TUBA3D: variants seen among roughly 807,000 people sequenced by gnomAD.
TUBA3D encodes the protein tubulin alpha-3D chain.
A neutral mutation model predicts 36.1 loss-of-function variants in TUBA3D; 24 were observed. The ratio of observed to expected loss-of-function variants is 0.66; its 90% CI spans 0.48 to 0.93. The LOEUF is 0.93. Ranked by LOEUF, TUBA3D falls within the 40% of genes least tolerant of loss-of-function variation. The probability of loss-of-function intolerance (pLI) is 0.00; values close to 1 mark genes in which losing one functional copy is unlikely to be tolerated. For missense variants in TUBA3D, 356 were observed against 614.5 expected (o/e 0.58, Z 4.45); for synonymous variants, 185 against 247.2 (o/e 0.75, Z 2.36).
intron 4 of TUBA3D, among the ~76,000 whole-genome samples, chr2:131,480,982 C>T (rs1297136918): frequency 6.6e-6 from 1 of 151,948 alleles, no homozygotes; most frequent in Admixed American, 6.5e-5. Context: ...CAGCTAACTG[C>T]AACCTCTGCC....
At chr2:131,478,058 C>T (rs1678734326) in intron 1 of TUBA3D, 106 bp from the exon 2 acceptor site, 2 of 1,450,402 alleles carry the variant, frequency 1.4e-6, no homozygotes, top group Non-Finnish European at 1.8e-6. Flanking sequence ...GTGAAAGCGC[C>T]AGATACTGAA....
rs149332264 is a variant in TUBA3D at position 131,480,483 on chromosome 2, C to T, written c.790C>T (p.Arg264Cys). The T allele has an allele frequency of 1.4e-5, 22 of 1,589,396 alleles. 2 individuals are homozygous for T. Among genetic ancestry groups the T allele is most frequent in the East Asian group, 4.5e-5 (2 of 44,874 alleles). Residue 264 changes from arginine (R) to cysteine (C), a missense_variant, in exon 4 of 5, where the codon CGC becomes TGC. Transcript: ENST00000321253. ...EFQTNLVPYP[R>C]IHFPLATYAP... ...CCAGACCAACCTAGTGCCGTACCCCCGCATCCACTTCCCCCTGGCCACCTA... is the reference window on the plus strand; with the variant it reads ...CCAGACCAACCTAGTGCCGTACCCCTGCATCCACTTCCCCCTGGCCACCTA...
rs1678906581 is a variant in TUBA3D, at chr2:131,482,807, G to T, written c.1312G>T (p.Asp438Tyr). 1.5e-5 allele frequency: 24 copies of T among 1,613,504 alleles called. No homozygotes were observed. The highest frequency in any genetic ancestry group is 1.9e-5 in the Non-Finnish European group (22 of 1,179,480). The change falls in exon 5 of 5, where the codon GAT (aspartate) becomes TAT (tyrosine). Residue 438 changes from aspartate to tyrosine, a missense_variant. By Grantham distance (160) the Asp-to-Tyr change is radical. This residue lies in a region of TUBA3D where 156 missense variants were observed against 219.8 expected (regional missense o/e 0.71). Transcript: ENST00000321253. ...LEKDYEEVGV[D>Y]SVEAEAEEGE... ...GAAGGATTATGAAGAGGTGGGCGTGGATTCCGTGGAAGCTGAGGCTGAAGA... is the reference window on the plus strand; with the variant it reads ...GAAGGATTATGAAGAGGTGGGCGTGTATTCCGTGGAAGCTGAGGCTGAAGA...
At chr2:131,479,670 T>C (rs1472208842) in intron 3 of TUBA3D, among the ~76,000 whole-genome samples, 2 of 152,122 alleles carry the variant, frequency 1.3e-5, no homozygotes, top group African/African-American at 2.4e-5. Flanking sequence ...TGAAACTCTA[T>C]GTCTACTAAA....
chr2:131,482,849 G>C lies in TUBA3D; in HGVS notation c.*1G>C, dbSNP rs905785645. 3 of 1,612,462 alleles carry C rather than the reference G, an allele frequency of 1.9e-6. No individual in the cohort carries two copies. Among genetic ancestry groups the C allele is most frequent in the African/African-American group, 2.7e-5 (2 of 74,906 alleles). Reference sequence around the variant, plus strand: ...GGCTGAAGAAGGCGAAGAATACTGAGGGGAGGGTGTGGTGGGTTCTCCCCT... The same window carrying C: ...GGCTGAAGAAGGCGAAGAATACTGACGGGAGGGTGTGGTGGGTTCTCCCCT... On this transcript the variant is annotated 3_prime_UTR_variant, in exon 5 of 5. Transcript: ENST00000321253.
intron 4 of TUBA3D, 102 bp downstream of exon 4, chr2:131,480,851 T>A (rs1188570327): frequency 2.0e-6 from 3 of 1,496,116 alleles, no homozygotes; most frequent in Non-Finnish European, 2.7e-6. Flanking sequence ...CCCTGTTCCA[T>A]GGGCTAGGCA....
chr2:131,482,809 T>C lies in TUBA3D; in HGVS notation c.1314T>C (p.Asp438=), dbSNP rs761848807. 6 of 1,614,192 alleles carry C rather than the reference T, an allele frequency of 3.7e-6. No individual in the cohort carries two copies. The highest frequency in any genetic ancestry group is 5.1e-6 in the Non-Finnish European group (6 of 1,180,032). Residue 438 remains aspartate (D), a synonymous_variant, in exon 5 of 5, where the codon GAT becomes GAC. Transcript: ENST00000321253. ...AGGATTATGAAGAGGTGGGCGTGGATTCCGTGGAAGCTGAGGCTGAAGAAG... is the reference window on the plus strand; with the variant it reads ...AGGATTATGAAGAGGTGGGCGTGGACTCCGTGGAAGCTGAGGCTGAAGAAG... ...LEKDYEEVGV[D]SVEAEAEEGE...
At chr2:131,479,566 G>A (rs1187297436) in intron 3 of TUBA3D, 110 bp downstream of exon 3, 16 of 1,552,274 alleles carry the variant, frequency 1.0e-5, no homozygotes, top group South Asian at 1.2e-5. Context: ...TTGGCCGGGC[G>A]CGGTGGCTCA....
rs776546412 is a variant in TUBA3D, at chr2:131,479,365, G to C, written c.284G>C (p.Gly95Ala). ...TTCCACCCGGAGCAGCTGATCACCG[G>C]GAAGGAAGATGCAGCCAATAATTAC... ...QLFHPEQLIT[G>A]KEDAANNYAR... The change falls in exon 3 of 5, where the codon GGG becomes GCG. Residue 95 changes from glycine (G) to alanine (A), a missense_variant. Coordinates refer to ENST00000321253, the MANE Select transcript of TUBA3D (RefSeq NM_080386.4). 6.2e-7 allele frequency: 1 copy of C among 1,614,138 alleles called. No homozygotes were observed. The highest frequency in any genetic ancestry group is 2.2e-5 in the East Asian group (1 of 44,876).
At chr2:131,478,575 G>A (rs1678750019) in intron 2 of TUBA3D, 189 bp downstream of exon 2, 1 of 1,095,830 alleles carries the variant, frequency 9.1e-7, no homozygotes. Flanking sequence ...TCCTAATTTA[G>A]GAAAACCTGA....
In TUBA3D at chr2:131,480,750, G is replaced by C. The variant is rs772787251; in HGVS notation, c.1056+1G>C. The C allele has an allele frequency of 1.2e-6, 2 of 1,607,476 alleles. No individual in the cohort carries two copies. The highest frequency in any genetic ancestry group is 2.7e-5 in the African/African-American group (2 of 74,594). ...GGATTGGTGCCCGACTGGATTTAAG[G>C]TATGACTGGGTGATGTGGAGGCCTT... On this transcript the variant is annotated splice_donor_variant, in intron 4 of 4. Transcript: ENST00000321253. LOFTEE classifies it high-confidence loss of function.
At position 131,482,712 on chromosome 2, in the gene TUBA3D, A is replaced by G. The variant is rs780285585; in HGVS notation, c.1217A>G (p.His406Arg). 1 of 1,614,168 alleles carries G rather than the reference A, an allele frequency of 6.2e-7. No individual in the cohort carries two copies. ...DLMYAKRAFV[H>R]WYVGEGMEEG... ...ATGTATGCCAAGCGGGCCTTTGTGC[A>G]CTGGTACGTGGGCGAAGGCATGGAA... is the stretch of plus-strand genomic sequence containing the variant. Residue 406 changes from histidine to arginine, a missense_variant, in exon 5 of 5, where the codon CAC (histidine) becomes CGC (arginine). Coordinates refer to ENST00000321253, the MANE Select transcript of TUBA3D (RefSeq NM_080386.4).
rs761360335 is a variant in TUBA3D at position 131,482,757 on chromosome 2, C to T, written c.1262C>T (p.Ala421Val). The change falls in exon 5 of 5, where the codon GCC (alanine) becomes GTC (valine). Residue 421 changes from alanine (A) to valine (V), a missense_variant. By Grantham distance (64) the Ala-to-Val change is moderately conservative. Coordinates refer to ENST00000321253, the MANE Select transcript of TUBA3D (RefSeq NM_080386.4). Reference protein sequence around the residue: ...EGMEEGEFSEAREDLAALEKD... With the variant: ...EGMEEGEFSEVREDLAALEKD... ...ATGGAAGAGGGAGAGTTCTCTGAGG[C>T]CCGCGAGGACCTGGCAGCTCTAGAG... The T allele has an allele frequency of 9.3e-6, 15 of 1,614,008 alleles. No individual in the cohort carries two copies. Among genetic ancestry groups the T allele is most frequent in the Non-Finnish European group, 1.2e-5 (14 of 1,180,036 alleles).
At chr2:131,479,699 G>A (rs1573859913) in intron 3 of TUBA3D, among the ~76,000 whole-genome samples, 2 of 152,156 alleles carry the variant, frequency 1.3e-5, no homozygotes, top group Non-Finnish European at 2.9e-5. Flanking sequence ...AATTAGCTGG[G>A]TGTGGGGGCA....
chr2:131,478,561 C>T (rs949281670), intron 2 of TUBA3D, among the ~76,000 whole-genome samples, 175 bp downstream of exon 2: 11 of 152,216 alleles, frequency 7.2e-5, no homozygotes, highest in Non-Finnish European at 1.5e-4. Context: ...CTGTGAGACT[C>T]GGCTCCTAAT....
At chr2:131,477,990 A>G (rs1678731175) in intron 1 of TUBA3D, among the ~76,000 whole-genome samples, 174 bp from the exon 2 acceptor site, 1 of 152,322 alleles carries the variant, frequency 6.6e-6, no homozygotes, top group South Asian at 2.1e-4. Flanking sequence ...GGTTTACAGC[A>G]ATTAGTTTTC....
chr2:131,482,117 CT>C (rs1439832600), intron 4 of TUBA3D, among the ~76,000 whole-genome samples: 1 of 152,194 alleles, frequency 6.6e-6, no homozygotes, highest in African/African-American at 2.4e-5. Context: ...TCCACAGTGG[CT>C]TGTTCTGTGG....
chr2:131,478,032 C>G, intron 1 of TUBA3D, 132 bp from the exon 2 acceptor site: 16 of 1,272,802 alleles, frequency 1.3e-5, no homozygotes, highest in Non-Finnish European at 1.6e-5. Flanking sequence ...ACTAACCCTC[C>G]TAGGAAATAT....
Position 131,478,382 on chromosome 2 carries a change from G to C in TUBA3D, c.222G>C (p.Val74=). 6.2e-7 allele frequency: 1 copy of C among 1,611,774 alleles called. No individual in the cohort carries two copies. The highest frequency in any genetic ancestry group is 8.5e-7 in the Non-Finnish European group (1 of 1,178,340). The change falls in exon 2 of 5, where the codon GTG becomes GTC. Residue 74 remains valine (V), a synonymous_variant. Coordinates refer to ENST00000321253, the MANE Select transcript of TUBA3D (RefSeq NM_080386.4). The part of the protein sequence containing the change: ...RAVFVDLEPT[V]VDEVRTGTYR... Reference sequence around the variant, plus strand: ...TGTTTGTGGACCTGGAGCCCACTGTGGTCGGTAGGTGCCTGGGCACTGGAT... The same window carrying C: ...TGTTTGTGGACCTGGAGCCCACTGTCGTCGGTAGGTGCCTGGGCACTGGAT...
Sources: allele counts gnomAD v4.1 joint callset (sites outside exome capture counted in the v4.1 genomes callset), GRCh38; gene constraint gnomAD v4.1.1; regional missense constraint gnomAD v4.1.1; transcripts MANE v1.5; gene names NCBI Gene and HGNC (gene_info 2026-07-23, HGNC 2026-07-21).